ARHGAP26: variants seen among roughly 807,000 people sequenced by gnomAD.
The protein encoded by ARHGAP26 is Rho GTPase activating protein 26, also known as rho GTPase-activating protein 26.
ARHGAP26 carries 38 observed loss-of-function variants against 104.8 expected under a neutral mutation model. That is an observed-to-expected ratio of 0.36 (90% CI 0.28 to 0.48). The LOEUF (loss-of-function observed/expected upper bound fraction) is 0.48. Among genes scored for constraint, ARHGAP26 ranks in the 20% least tolerant of loss-of-function variants. The pLI is 0.99. For missense variants in ARHGAP26, 704 were observed against 947.9 expected (o/e 0.74, Z 3.38); for synonymous variants, 341 against 340.0 (o/e 1.00, Z -0.03).
chr5:143,127,655 G>A (rs1245139553), intron 18 of ARHGAP26, among the ~76,000 whole-genome samples: 1 of 152,190 alleles, frequency 6.6e-6, no homozygotes, highest in Non-Finnish European at 1.5e-5. Context: ...TTACAATGTA[G>A]TTAGCTCAAT....
chr5:142,944,379 A>G (rs968487178), intron 11 of ARHGAP26, among the ~76,000 whole-genome samples: 3 of 152,112 alleles, frequency 2.0e-5, no homozygotes, highest in African/African-American at 7.2e-5. Context: ...TGTTTTGAAC[A>G]TTTTTCTAGG....
chr5:143,099,624 C>T (rs1262131502), intron 17 of ARHGAP26, among the ~76,000 whole-genome samples: 1 of 152,228 alleles, frequency 6.6e-6, no homozygotes, highest in Non-Finnish European at 1.5e-5. Context: ...CTCTTGTATA[C>T]TCACTCTGTG....
At chr5:142,965,442 C>T (rs830290) in intron 11 of ARHGAP26, among the ~76,000 whole-genome samples, 57,853 of 151,990 alleles carry the variant, frequency 0.38, 12,292 homozygotes, top group East Asian at 0.78. Context: ...TCTTCCCAGA[C>T]GCTGGCATCA....
At chr5:143,006,546 A>G (rs1041774171) in intron 11 of ARHGAP26, among the ~76,000 whole-genome samples, 1 of 152,176 alleles carries the variant, frequency 6.6e-6, no homozygotes, top group Admixed American at 6.5e-5. Flanking sequence ...TAAGACAGCA[A>G]GTACAACAGT....
At chr5:143,095,052 G>GTT (rs2150563104) in intron 17 of ARHGAP26, among the ~76,000 whole-genome samples, 1 of 152,018 alleles carries the variant, frequency 6.6e-6, no homozygotes, top group Admixed American at 6.6e-5. Context: ...TCTGTGAAAG[G>GTT]AAATTGTACC....
chr5:143,061,093 G>A (rs1254765418), intron 17 of ARHGAP26, among the ~76,000 whole-genome samples: 4 of 152,076 alleles, frequency 2.6e-5, no homozygotes, highest in Non-Finnish European at 5.9e-5. Flanking sequence ...TTACTTTTGC[G>A]TGATTTAGTT....
At chr5:142,980,386 A>ATTTTATTTTATTTTATTTTT (rs1210692473) in intron 11 of ARHGAP26, among the ~76,000 whole-genome samples, 1 of 149,960 alleles carries the variant, frequency 6.7e-6, no homozygotes, top group Non-Finnish European at 1.5e-5. Context: ...ATTTTATTTT[A>ATTTTATTTTATTTTATTTTT]TTTTATTTTA....
intron 17 of ARHGAP26, among the ~76,000 whole-genome samples, chr5:143,060,457 TG>T (rs1419657952): frequency 6.6e-6 from 1 of 151,906 alleles, no homozygotes; most frequent in Admixed American, 6.6e-5. Context: ...AAGTATTGGG[TG>T]GGGGGAAGGA....
chr5:142,902,311 T>C (rs1317136718), intron 7 of ARHGAP26, among the ~76,000 whole-genome samples: 1 of 152,218 alleles, frequency 6.6e-6, no homozygotes, highest in Admixed American at 6.5e-5. Context: ...GTCTGTAGCA[T>C]TGGAGTCAGG....
At chr5:143,113,637 C>T (rs1795045765) in intron 17 of ARHGAP26, among the ~76,000 whole-genome samples, 1 of 152,154 alleles carries the variant, frequency 6.6e-6, no homozygotes, top group Admixed American at 6.5e-5. Flanking sequence ...TCATCATTTT[C>T]ATAGTTTTGT....
At chr5:142,784,086 C>G (rs1013824635) in intron 1 of ARHGAP26, among the ~76,000 whole-genome samples, 1 of 152,220 alleles carries the variant, frequency 6.6e-6, no homozygotes, top group Admixed American at 6.5e-5. Flanking sequence ...ATCTGCCGGC[C>G]TTCTGACCGA....
At chr5:143,180,598 C>A (rs902957015) in intron 20 of ARHGAP26, among the ~76,000 whole-genome samples, 4 of 152,246 alleles carry the variant, frequency 2.6e-5, no homozygotes, top group African/African-American at 7.2e-5. Flanking sequence ...AGGAAACTTA[C>A]AATCATGGCA....
At position 143,227,393 on chromosome 5, in the gene ARHGAP26, T is replaced by G. The variant is rs1036415766; in HGVS notation, c.*4947T>G. The stretch of plus-strand genomic sequence containing the variant: ...CCCTGCCCCACATCACTTTATAAAG[T>G]CAGCAGGATGTCTTCTCACCCACCC... On this transcript the variant is annotated 3_prime_UTR_variant, in exon 23 of 23. Coordinates refer to ENST00000645722, the MANE Select transcript of ARHGAP26 (RefSeq NM_001135608.3). 1 of 231,586 alleles carries G rather than the reference T, an allele frequency of 4.3e-6. No homozygotes were observed. Among genetic ancestry groups the G allele is most frequent in the Non-Finnish European group, 8.5e-6 (1 of 117,020 alleles). 14.3% of individuals were successfully genotyped at this position (231,586 alleles called of 1,614,324 possible).
At chr5:142,928,246 T>A (rs1332535303) in intron 10 of ARHGAP26, among the ~76,000 whole-genome samples, 1 of 112,668 alleles carries the variant, frequency 8.9e-6, no homozygotes, top group East Asian at 6.7e-4. Flanking sequence ...TTTTTTTTTT[T>A]TTAAAACTCA....
intron 1 of ARHGAP26, among the ~76,000 whole-genome samples, chr5:142,834,980 C>G (rs1769262611): frequency 6.6e-6 from 1 of 152,252 alleles, no homozygotes; most frequent in African/African-American, 2.4e-5. Context: ...TACTGAGACT[C>G]TGTTCCACCT....
rs74849868 is a variant in ARHGAP26 at position 142,919,292 on chromosome 5, A to G, written c.1028+5999A>G. ...AGGCAGAAGTCGAGGTGATGCACCT[A>G]CAAGCCAATGAACACCAAAGGTTGG... is the stretch of plus-strand genomic sequence containing the variant. On this transcript the variant is annotated intron_variant, in intron 10 of 22. Coordinates refer to ENST00000645722, the MANE Select transcript of ARHGAP26 (RefSeq NM_001135608.3). 5.9e-3 allele frequency: 2,370 copies of G among 398,656 alleles called. 51 individuals are homozygous for G. The highest frequency in any genetic ancestry group is 0.045 in the African/African-American group (2,175 of 48,744). 24.7% of individuals were successfully genotyped at this position (398,656 alleles called of 1,614,324 possible).
chr5:142,875,214 G>A (rs753046222), intron 3 of ARHGAP26, 43 bp downstream of exon 3: 16 of 1,585,880 alleles, frequency 1.0e-5, no homozygotes, highest in Middle Eastern at 1.7e-4. Context: ...TAGTATATTC[G>A]TGTTGAGGGA....
intron 12 of ARHGAP26, among the ~76,000 whole-genome samples, chr5:143,028,928 T>C (rs1270836098): frequency 2.6e-5 from 4 of 152,160 alleles, no homozygotes; most frequent in African/African-American, 9.7e-5. Context: ...AAAAATTGGC[T>C]GTGGGTAACC....
chr5:142,916,137 T>G (rs1762457261), intron 10 of ARHGAP26, among the ~76,000 whole-genome samples: 1 of 152,238 alleles, frequency 6.6e-6, no homozygotes, highest in Admixed American at 6.5e-5. Context: ...GTATGTTAAC[T>G]GGAGAATACA....
Sources: allele counts gnomAD v4.1 joint callset (sites outside exome capture counted in the v4.1 genomes callset), GRCh38; gene constraint gnomAD v4.1.1; transcripts MANE v1.5; gene names NCBI Gene and HGNC (gene_info 2026-07-23, HGNC 2026-07-21).